The following TMEM185A variants were observed in gnomAD, a reference collection of about 807,000 sequenced individuals.
TMEM185A encodes the protein transmembrane protein 185A.
A neutral mutation model predicts 25.0 loss-of-function variants in TMEM185A; 9 were observed. The observed-to-expected ratio is 0.36, with a 90% confidence interval of 0.22 to 0.63. The LOEUF is 0.63. Ranked by LOEUF, TMEM185A falls within the 20% of genes least tolerant of loss-of-function variation. TMEM185A has a pLI of 0.68. For missense variants in TMEM185A, 103 were observed against 237.4 expected, an observed-to-expected ratio of 0.43 and a Z score of 3.72; for synonymous variants, 45 against 93.5, an observed-to-expected ratio of 0.48 and a Z score of 2.99.
At chrX:149,624,856 C>T (rs1216717374) in intron 1 of TMEM185A, among the ~76,000 whole-genome samples, 4 of 112,064 alleles carry the variant, frequency 3.6e-5, no homozygotes, top group African/African-American at 6.5e-5. Context: ...CATTCATCAG[C>T]GGTGTGGTCT....
chrX:149,608,416 C>T (rs1362101918), intron 3 of TMEM185A: 3 of 368,127 alleles, frequency 8.1e-6, no homozygotes, highest in Non-Finnish European at 1.4e-5. Context: ...CTGCAACCTC[C>T]GCCTCCTGGG....
intron 1 of TMEM185A, among the ~76,000 whole-genome samples, chrX:149,620,473 G>A (rs1369651035): frequency 8.9e-6 from 1 of 111,856 alleles, no homozygotes; most frequent in Non-Finnish European, 1.9e-5. Context: ...GCTTTATCAA[G>A]GACATTCGTA....
chrX:149,604,102 A>G, intron 3 of TMEM185A, 32 bp from the exon 4 acceptor site: 1 of 1,067,686 alleles, frequency 9.4e-7, no homozygotes, highest in Non-Finnish European at 1.3e-6. Flanking sequence ...AGTTAAACAA[A>G]GTATAATTTG....
At chrX:149,631,391 TG>T in intron 1 of TMEM185A, 151 bp downstream of exon 1, 1 of 604,798 alleles carries the variant, frequency 1.7e-6, no homozygotes, top group South Asian at 4.4e-5. Context: ...CTGTTTTGCC[TG>T]GGGACCGCTT....
chrX:149,606,965 T>C (rs1457146497), intron 3 of TMEM185A, among the ~76,000 whole-genome samples: 1 of 111,763 alleles, frequency 8.9e-6, no homozygotes, highest in East Asian at 2.8e-4. Flanking sequence ...TGATATAAAC[T>C]GGGAATTGTA....
At chrX:149,603,877 T>C in intron 4 of TMEM185A, 110 bp downstream of exon 4, 1 of 597,607 alleles carries the variant, frequency 1.7e-6, no homozygotes, top group Non-Finnish European at 2.6e-6. Flanking sequence ...TATGGGTGAC[T>C]ATTAGGCTAT....
intron 1 of TMEM185A, among the ~76,000 whole-genome samples, chrX:149,615,667 T>C (rs180768488): frequency 9.0e-6 from 1 of 111,688 alleles, no homozygotes; most frequent in Non-Finnish European, 1.9e-5. Flanking sequence ...TATCACAAAT[T>C]GGAAACAGAA....
chrX:149,629,110 G>T (rs1805334529), intron 1 of TMEM185A, among the ~76,000 whole-genome samples: 1 of 111,598 alleles, frequency 9.0e-6, no homozygotes, highest in Non-Finnish European at 1.9e-5. Context: ...AGGAACTGTA[G>T]AAACAGGGAG....
chrX:149,629,437 T>C (rs781921162), intron 1 of TMEM185A, among the ~76,000 whole-genome samples: 1 of 111,383 alleles, frequency 9.0e-6, no homozygotes, highest in East Asian at 2.8e-4. Context: ...TGTCAAAAAC[T>C]AGGAGTGCTC....
chrX:149,617,283 A>G (rs1277558409), intron 1 of TMEM185A, among the ~76,000 whole-genome samples: 2 of 112,033 alleles, frequency 1.8e-5, no homozygotes, highest in African/African-American at 6.5e-5. Context: ...AAAGATACCT[A>G]TCATTAACAA....
chrX:149,602,282 A>G lies in TMEM185A; in HGVS notation c.507+1705T>C, dbSNP rs977124165. 3 of 112,104 alleles carry G rather than the reference A, an allele frequency of 2.7e-5. No individual in the cohort carries two copies. In the Admixed American group the frequency reaches 2.8e-4, roughly 11 times the overall value. The allele number at this position is 112,104 out of a possible 1,213,427, so 9.2% of individuals were successfully genotyped here. A position where few individuals can be genotyped will look rare whatever the true frequency, so the allele number is the denominator to read the frequency against. ...TTATGATTTCTCTCTCGTATGGACCATATTAACAGTGCCATTTCTAAGTAC... is the reference window on the plus strand; with the variant it reads ...TTATGATTTCTCTCTCGTATGGACCGTATTAACAGTGCCATTTCTAAGTAC... On this transcript the variant is annotated intron_variant, in intron 4 of 6. Coordinates refer to ENST00000600449, the MANE Select transcript of TMEM185A (RefSeq NM_032508.4).
At chrX:149,623,816 C>T (rs1013701916) in intron 1 of TMEM185A, among the ~76,000 whole-genome samples, 1 of 111,847 alleles carries the variant, frequency 8.9e-6, no homozygotes, top group Non-Finnish European at 1.9e-5. Flanking sequence ...GTAATACAAT[C>T]AGTAAGTTCA....
At chrX:149,631,500 C>G in intron 1 of TMEM185A, 43 bp downstream of exon 1, 1 of 1,143,829 alleles carries the variant, frequency 8.7e-7, no homozygotes, top group Non-Finnish European at 1.2e-6. Flanking sequence ...CGCGCCCGAG[C>G]CCGCAGCGCG....
chrX:149,627,932 G>A (rs371839649), intron 1 of TMEM185A, among the ~76,000 whole-genome samples: 10 of 111,938 alleles, frequency 8.9e-5, no homozygotes, highest in African/African-American at 9.7e-5. Context: ...ACCAGCAATC[G>A]CATTCCTTTT....
intron 1 of TMEM185A, among the ~76,000 whole-genome samples, chrX:149,629,554 G>A (rs1437755621): frequency 8.9e-6 from 1 of 112,036 alleles, no homozygotes; most frequent in Non-Finnish European, 1.9e-5. Context: ...CACTACCTCT[G>A]GCAACAATGA....
intron 1 of TMEM185A, among the ~76,000 whole-genome samples, chrX:149,613,789 G>C (rs2090096848): frequency 8.9e-6 from 1 of 112,098 alleles, no homozygotes; most frequent in East Asian, 2.8e-4. Context: ...GTATTTGTGG[G>C]GGTGGGGCAT....
At chrX:149,628,390 T>C (rs1351968636) in intron 1 of TMEM185A, among the ~76,000 whole-genome samples, 2 of 112,245 alleles carry the variant, frequency 1.8e-5, no homozygotes, top group Non-Finnish European at 3.8e-5. Flanking sequence ...GCCTCAGGCA[T>C]TCAAGGAAGG....
intron 1 of TMEM185A, 80 bp downstream of exon 1, chrX:149,631,463 G>A (rs1435791870): frequency 3.7e-6 from 4 of 1,072,392 alleles, no homozygotes; most frequent in South Asian, 4.5e-5. Flanking sequence ...CTCGCCCGCC[G>A]TGCCTCCCCG....
rs1313134848 is a variant in TMEM185A, at chrX:149,631,735, T to TCGTCGCCGCCGCCGCCGCCGCCGCCGC, written c.-156_-155insGCGGCGGCGGCGGCGGCGGCGGCGACG. ...GTCCCCGCTGCCGTCGCCGTCGCCG[T>TCGTCGCCGCCGCCGCCGCCGCCGCCGC]CGCCGCCGCCGCCGCCGCCGCCGCC... On this transcript the variant is annotated 5_prime_UTR_variant, in exon 1 of 7. Coordinates refer to ENST00000600449, the MANE Select transcript of TMEM185A (RefSeq NM_032508.4). The TCGTCGCCGCCGCCGCCGCCGCCGCCGC allele has an allele frequency of 3.1e-6, 1 of 327,457 alleles. No individual in the cohort carries two copies. The highest frequency in any genetic ancestry group is 4.9e-6 in the Non-Finnish European group (1 of 204,604). The allele number at this position is 327,457 out of a possible 1,213,427, so 27.0% of individuals were successfully genotyped here. A position where few individuals can be genotyped will look rare whatever the true frequency, so the allele number is the denominator to read the frequency against.
Sources: gnomAD v4.1 joint callset for allele counts (sites outside exome capture counted in the v4.1 genomes callset) on GRCh38, gnomAD v4.1.1 for gene constraint, MANE v1.5 for transcripts, NCBI Gene and HGNC (gene_info 2026-07-23, HGNC 2026-07-21) for gene names.